The following BICD2 variants were observed in gnomAD, a reference collection of about 807,000 sequenced individuals.
The protein encoded by BICD2 is BICD cargo adaptor 2, also known as protein bicaudal D homolog 2.
A neutral mutation model predicts 72.9 loss-of-function variants in BICD2; 25 were observed. The ratio of observed to expected loss-of-function variants is 0.34; its 90% CI spans 0.25 to 0.48. BICD2 has a LOEUF of 0.48. BICD2 is among the 20% of genes least tolerant of loss of function. The pLI is 0.99. For missense variants in BICD2, 894 were observed against 1,175.2 expected (o/e 0.76, Z 3.50); for synonymous variants, 501 against 516.1 (o/e 0.97, Z 0.40).
In BICD2 at chr9:92,714,342, G is replaced by T. The variant is rs1425242053; in HGVS notation, c.*812C>A. The T allele has an allele frequency of 1.0e-6, 1 of 985,354 alleles. No individual in the cohort carries two copies. The highest frequency in any genetic ancestry group is 1.1e-4 in the East Asian group (1 of 8,828). The allele number at this position is 985,354 out of a possible 1,614,324, so 61.0% of individuals were successfully genotyped here. A position where few individuals can be genotyped will look rare whatever the true frequency, so the allele number is the denominator to read the frequency against. On this transcript the variant is annotated 3_prime_UTR_variant, in exon 7 of 7. Coordinates refer to ENST00000356884, the MANE Select transcript of BICD2 (RefSeq NM_001003800.2). ...GGGTCACCCCAAGTACAAAAGGACG[G>T]GCTCTGCACTAAGGACCAAGGTCTG...
Position 92,713,332 on chromosome 9 carries a change from T to C in BICD2, c.*1822A>G. 1.9e-6 allele frequency: 2 copies of C among 1,041,630 alleles called. No homozygotes were observed. The highest frequency in any genetic ancestry group is 2.9e-6 in the Non-Finnish European group (2 of 697,314). The allele number at this position is 1,041,630 out of a possible 1,614,324, so 64.5% of individuals were successfully genotyped here. A position where few individuals can be genotyped will look rare whatever the true frequency, so the allele number is the denominator to read the frequency against. On this transcript the variant is annotated 3_prime_UTR_variant, in exon 7 of 7. Transcript: ENST00000356884. ...TATTTTGAAAAGAATTGCAGTGGCA[T>C]ATCCAAAAAGTTTCTAAGTGGGCTT...
At chr9:92,761,360 C>T (rs1470521257) in intron 1 of BICD2, among the ~76,000 whole-genome samples, 3 of 152,240 alleles carry the variant, frequency 2.0e-5, no homozygotes, top group African/African-American at 7.2e-5. Context: ...GCACTTGCTG[C>T]GTGTTGGGTG....
In BICD2 at chr9:92,722,752, G is replaced by A. The variant is rs1330116801; in HGVS notation, c.510C>T (p.Tyr170=). Residue 170 remains tyrosine (Y), a synonymous_variant, in exon 3 of 7, where the codon TAC becomes TAT. Transcript: ENST00000356884. ...GCAGCAGACGAGCTTCCCGGAATTT[G>A]TACTCCTTGATGTCATCCCGCAGGC... The part of the protein sequence containing the change: ...RGRLRDDIKE[Y]KFREARLLQD... 1 of 1,614,100 alleles carries A rather than the reference G, an allele frequency of 6.2e-7. No individual in the cohort carries two copies. The highest frequency in any genetic ancestry group is 1.3e-5 in the African/African-American group (1 of 74,934).
At chr9:92,739,483 C>G (rs561449353) in intron 1 of BICD2, among the ~76,000 whole-genome samples, 1 of 152,352 alleles carries the variant, frequency 6.6e-6, no homozygotes, top group East Asian at 1.9e-4. Context: ...CAGTGAGGAG[C>G]CCGTGAAGGC....
intron 1 of BICD2, among the ~76,000 whole-genome samples, chr9:92,756,879 A>C (rs1241284090): frequency 4.8e-5 from 7 of 147,138 alleles, no homozygotes; most frequent in African/African-American, 1.7e-4. Context: ...AAAAAAAAAA[A>C]GGAAATAAAA....
chr9:92,714,460 T>C lies in BICD2; in HGVS notation c.*694A>G. On this transcript the variant is annotated 3_prime_UTR_variant, in exon 7 of 7. Transcript: ENST00000356884. ...CACCTCACAGGCCACTATACAAGCA[T>C]CCTGATCTCAGAAATGAGAAACCGA... The C allele has an allele frequency of 1.0e-6, 1 of 985,476 alleles. No individual in the cohort carries two copies. The highest frequency in any genetic ancestry group is 4.7e-5 in the South Asian group (1 of 21,290). 61.0% of individuals were successfully genotyped at this position (985,476 alleles called of 1,614,324 possible).
chr9:92,731,832 C>A (rs1466360332), intron 1 of BICD2, among the ~76,000 whole-genome samples: 1 of 152,202 alleles, frequency 6.6e-6, no homozygotes, highest in Non-Finnish European at 1.5e-5. Flanking sequence ...TTTATACCAG[C>A]CAAAAACAGT....
At chr9:92,758,811 G>A (rs909088486) in intron 1 of BICD2, among the ~76,000 whole-genome samples, 8 of 151,282 alleles carry the variant, frequency 5.3e-5, no homozygotes, top group African/African-American at 1.9e-4. Flanking sequence ...CCAAGATCGC[G>A]CCATTGCACT....
chr9:92,738,844 T>G (rs1366235421), intron 1 of BICD2, among the ~76,000 whole-genome samples: 1 of 152,240 alleles, frequency 6.6e-6, no homozygotes, highest in African/African-American at 2.4e-5. Flanking sequence ...AGCATTCCAA[T>G]GAGGCAGGAC....
At position 92,764,302 on chromosome 9, in the gene BICD2, G is replaced by A. The variant is rs1854434987; in HGVS notation, c.240+203C>T. ...ACAAGGCGCCCGGACCCCTGCATTAGCGGCGTCTGCAACGGCCGCGGCACC... is the reference window on the plus strand; with the variant it reads ...ACAAGGCGCCCGGACCCCTGCATTAACGGCGTCTGCAACGGCCGCGGCACC... On this transcript the variant is annotated intron_variant, in intron 1 of 6. Transcript: ENST00000356884. The surrounding 1 kb of genome is among the most constrained non-coding windows in gnomAD (Gnocchi z 5.5). Among the ~76,000 whole-genome samples, 2 of 152,268 alleles carry A rather than the reference G, an allele frequency of 1.3e-5. No individual in the cohort carries two copies. Among genetic ancestry groups the A allele is most frequent in the Non-Finnish European group, 2.9e-5 (2 of 67,994 alleles).
intron 1 of BICD2, among the ~76,000 whole-genome samples, chr9:92,734,751 TG>T (rs1853744507): frequency 6.6e-6 from 1 of 152,242 alleles, no homozygotes; most frequent in Admixed American, 6.5e-5. Context: ...CCTGCCTCAC[TG>T]TGGGCCTCCT....
intron 1 of BICD2, among the ~76,000 whole-genome samples, chr9:92,760,961 C>A (rs994253644): frequency 2.0e-5 from 3 of 152,236 alleles, no homozygotes; most frequent in African/African-American, 7.2e-5. Context: ...CTGGGCCTCA[C>A]CCCCAGTAAC....
chr9:92,762,529 T>C (rs1587695051), intron 1 of BICD2, among the ~76,000 whole-genome samples: 1 of 151,738 alleles, frequency 6.6e-6, no homozygotes, highest in Non-Finnish European at 1.5e-5. Context: ...AGCCAGGTGG[T>C]GACAAAAAAC....
Position 92,713,792 on chromosome 9 carries a change from G to A in BICD2, c.*1362C>T. The A allele has an allele frequency of 3.4e-6, 4 of 1,190,382 alleles. No individual in the cohort carries two copies. The highest frequency in any genetic ancestry group is 4.2e-6 in the Non-Finnish European group (4 of 951,008). The allele number at this position is 1,190,382 out of a possible 1,614,324, so 73.7% of individuals were successfully genotyped here. Reference sequence around the variant, plus strand: ...GGGACATACATGGGCGTGTCCTGGAGTCTGGAGGGGACCGAAACATACTCG... The same window carrying A: ...GGGACATACATGGGCGTGTCCTGGAATCTGGAGGGGACCGAAACATACTCG... On this transcript the variant is annotated 3_prime_UTR_variant, in exon 7 of 7. Transcript: ENST00000356884.
chr9:92,743,142 T>C lies in BICD2; in HGVS notation c.241-13906A>G, dbSNP rs140850870. On this transcript the variant is annotated intron_variant, in intron 1 of 6. Transcript: ENST00000356884. ...TCCCACTCCTCTCCAGGACTTCTTATTGTCTATTTTTTGGTTACAGCCATC... is the reference window on the plus strand; with the variant it reads ...TCCCACTCCTCTCCAGGACTTCTTACTGTCTATTTTTTGGTTACAGCCATC... Among the ~76,000 whole-genome samples the C allele has an allele frequency of 4.2e-3, 644 of 152,292 alleles. 4 individuals are homozygous for C. The highest frequency in any genetic ancestry group is 0.015 in the African/African-American group (604 of 41,560).
Position 92,713,812 on chromosome 9 carries a change from T to C in BICD2, c.*1342A>G. 8.9e-7 allele frequency: 1 copy of C among 1,120,064 alleles called. No homozygotes were observed. The highest frequency in any genetic ancestry group is 1.1e-6 in the Non-Finnish European group (1 of 909,394). 69.4% of individuals were successfully genotyped at this position (1,120,064 alleles called of 1,614,324 possible). A position where few individuals can be genotyped will look rare whatever the true frequency, so the allele number is the denominator to read the frequency against. On this transcript the variant is annotated 3_prime_UTR_variant, in exon 7 of 7. Transcript: ENST00000356884. ...CTGGAGTCTGGAGGGGACCGAAACA[T>C]ACTCGGCACCAAAGGGAAGAACGCG... is the stretch of plus-strand genomic sequence containing the variant.
chr9:92,739,243 C>G (rs968327118), intron 1 of BICD2, among the ~76,000 whole-genome samples: 1 of 152,236 alleles, frequency 6.6e-6, no homozygotes. Context: ...ACCATCCCCT[C>G]AATGTTTACT....
At chr9:92,752,051 C>T (rs529187344) in intron 1 of BICD2, among the ~76,000 whole-genome samples, 51 of 152,196 alleles carry the variant, frequency 3.4e-4, no homozygotes, top group Middle Eastern at 6.8e-3. Flanking sequence ...GTGATCCACC[C>T]GCCTCGGCCT....
chr9:92,737,154 G>A (rs923975462), intron 1 of BICD2, among the ~76,000 whole-genome samples: 22 of 152,196 alleles, frequency 1.4e-4, no homozygotes, highest in African/African-American at 5.1e-4. Flanking sequence ...ATGTGACTGT[G>A]GTGGGCGCCA....
Sources: gnomAD v4.1 joint callset for allele counts (sites outside exome capture counted in the v4.1 genomes callset) on GRCh38, gnomAD v4.1.1 for gene constraint, Gnocchi (gnomAD v3.1) non-coding constraint, MANE v1.5 for transcripts, NCBI Gene and HGNC (gene_info 2026-07-23, HGNC 2026-07-21) for gene names.